FAM53B: variants seen among roughly 807,000 people sequenced by gnomAD.
The protein encoded by FAM53B is protein FAM53B.
FAM53B carries 12 observed loss-of-function variants against 32.7 expected under a neutral mutation model. The observed-to-expected ratio is 0.37, with a 90% CI of 0.24 to 0.59. FAM53B has a LOEUF of 0.59. FAM53B is among the 20% of genes least tolerant of loss of function. The pLI is 0.72. For synonymous variants in FAM53B, 234 were observed against 228.7 expected (o/e 1.02, Z -0.21); for missense variants, 477 against 577.7 (o/e 0.83, Z 1.79).
chr10:124,740,384 G>A (rs886188895), intron 1 of FAM53B, among the ~76,000 whole-genome samples: 1 of 152,178 alleles, frequency 6.6e-6, no homozygotes, highest in South Asian at 2.1e-4. Context: ...CCTAGGGAAC[G>A]GTAAATTGCT....
chr10:124,634,735 A>G (rs1949416230), intron 4 of FAM53B, among the ~76,000 whole-genome samples: 1 of 152,218 alleles, frequency 6.6e-6, no homozygotes, highest in Non-Finnish European at 1.5e-5. Flanking sequence ...ATGGAGACAG[A>G]ACACAGTTTT....
At chr10:124,734,396 C>T (rs1342075130) in intron 1 of FAM53B, among the ~76,000 whole-genome samples, 3 of 152,214 alleles carry the variant, frequency 2.0e-5, no homozygotes, top group Admixed American at 6.5e-5. Flanking sequence ...GTGCTCATCA[C>T]AGGAACAGTG....
At chr10:124,696,344 G>A (rs768243782) in intron 2 of FAM53B, 132 bp from the exon 3 acceptor site, 30 of 799,776 alleles carry the variant, frequency 3.8e-5, no homozygotes, top group Non-Finnish European at 5.4e-5. Flanking sequence ...GGGAAAGGAG[G>A]AAAAGGTATT....
In FAM53B at chr10:124,623,499, C is replaced by T. The variant is rs976202424; in HGVS notation, c.1012G>A (p.Ala338Thr). The T allele has an allele frequency of 6.9e-6, 11 of 1,589,072 alleles. No homozygotes were observed. Among genetic ancestry groups the T allele is most frequent in the Non-Finnish European group, 9.4e-6 (11 of 1,168,650 alleles). Reference sequence around the variant, plus strand: ...CCTGGGCCGGAGGCTGAGAGCAGGGCGGTCCAGGCCCTGGTGTTGCTGACG... The same window carrying T: ...CCTGGGCCGGAGGCTGAGAGCAGGGTGGTCCAGGCCCTGGTGTTGCTGACG... ...RHVSNTRAWT[A>T]LLSASGPGGR... The change falls in exon 5 of 5, where the codon GCC becomes ACC. Residue 338 changes from alanine to threonine, a missense_variant. Physicochemically the swap from Ala to Thr is moderately conservative, Grantham distance 58. Coordinates refer to ENST00000337318, the MANE Select transcript of FAM53B (RefSeq NM_014661.4).
At chr10:124,658,635 G>A (rs1208374978) in intron 4 of FAM53B, among the ~76,000 whole-genome samples, 2 of 152,226 alleles carry the variant, frequency 1.3e-5, no homozygotes, top group African/African-American at 4.8e-5. Flanking sequence ...AGAGAGGGAG[G>A]AAGGTGCACA....
intron 4 of FAM53B, among the ~76,000 whole-genome samples, chr10:124,636,435 G>A (rs577949325): frequency 1.2e-4 from 18 of 152,302 alleles, no homozygotes; most frequent in African/African-American, 3.6e-4. Flanking sequence ...ACCCCTGAAC[G>A]GCCAGTGAGC....
intron 1 of FAM53B, among the ~76,000 whole-genome samples, chr10:124,734,229 T>C (rs2134103584): frequency 6.6e-6 from 1 of 152,350 alleles, no homozygotes; most frequent in South Asian, 2.1e-4. Context: ...TGACTGTCCA[T>C]AATACGAGCT....
chr10:124,650,963 C>T (rs1188305461), intron 4 of FAM53B, among the ~76,000 whole-genome samples: 1 of 151,202 alleles, frequency 6.6e-6, no homozygotes, highest in Non-Finnish European at 1.5e-5. Context: ...CGAGGACTCA[C>T]GGGCGCTGAG....
At chr10:124,690,419 C>T (rs1320351353) in intron 3 of FAM53B, among the ~76,000 whole-genome samples, 6 of 152,222 alleles carry the variant, frequency 3.9e-5, no homozygotes, top group African/African-American at 9.7e-5. Context: ...CATGCTCTTG[C>T]AGTTGGGCCA....
intron 4 of FAM53B, among the ~76,000 whole-genome samples, chr10:124,638,915 T>C (rs1281551594): frequency 1.3e-5 from 2 of 152,114 alleles, no homozygotes; most frequent in Non-Finnish European, 2.9e-5. Flanking sequence ...AAGTGAGTGG[T>C]GGGGACAAAG....
intron 1 of FAM53B, among the ~76,000 whole-genome samples, chr10:124,743,733 C>G (rs1315789307): frequency 6.6e-6 from 1 of 150,494 alleles, no homozygotes; most frequent in Non-Finnish European, 1.5e-5. Flanking sequence ...CCGCCGCAGC[C>G]AGGCTTGTTC....
Position 124,733,858 on chromosome 10 carries a change from A to T in FAM53B, c.-175+10155T>A, listed in dbSNP as rs754442873. Among the ~76,000 whole-genome samples, 11 of 152,048 alleles carry T rather than the reference A, an allele frequency of 7.2e-5. No homozygotes were observed. The highest frequency in any genetic ancestry group is 1.3e-4 in the Admixed American group (2 of 15,262). ...CGCCCTTCCCTTTACTGCCATCCTG[A>T]CCTAGATCAGCTCCGCTCCCCTCTG... On this transcript the variant is annotated intron_variant, in intron 1 of 4. Transcript: ENST00000337318. This position sits in a 1 kb window ranked among gnomAD's most constrained non-coding sequence, Gnocchi z 4.3.
intron 1 of FAM53B, among the ~76,000 whole-genome samples, chr10:124,711,526 T>A (rs1950003479): frequency 1.3e-5 from 2 of 152,040 alleles, no homozygotes; most frequent in African/African-American, 4.8e-5. Flanking sequence ...TGAGTGTAAA[T>A]GATCTCAAAA....
chr10:124,740,175 T>C (rs1950192480), intron 1 of FAM53B, among the ~76,000 whole-genome samples: 1 of 152,152 alleles, frequency 6.6e-6, no homozygotes, highest in Non-Finnish European at 1.5e-5. Flanking sequence ...CAGAGAACTT[T>C]CTTAGATAAG....
At chr10:124,645,521 A>T (rs913148353) in intron 4 of FAM53B, among the ~76,000 whole-genome samples, 2 of 152,188 alleles carry the variant, frequency 1.3e-5, no homozygotes, top group Non-Finnish European at 2.9e-5. Context: ...GGTGAGGGTA[A>T]ATTGAGTAGG....
At chr10:124,718,034 C>T (rs193188246) in intron 1 of FAM53B, among the ~76,000 whole-genome samples, 1 of 152,082 alleles carries the variant, frequency 6.6e-6, no homozygotes, top group African/African-American at 2.4e-5. Flanking sequence ...CCCCCAAAGA[C>T]ACTGCACAGA....
At chr10:124,702,580 G>C (rs1044315594) in intron 2 of FAM53B, among the ~76,000 whole-genome samples, 1 of 152,192 alleles carries the variant, frequency 6.6e-6, no homozygotes. Context: ...GCAGACAAGG[G>C]CCTGGACTTG....
chr10:124,689,271 T>TG (rs1451103606), intron 3 of FAM53B, among the ~76,000 whole-genome samples: 3 of 151,512 alleles, frequency 2.0e-5, no homozygotes, highest in East Asian at 1.9e-4. Flanking sequence ...AACATGGGGG[T>TG]GGGGGGGACA....
chr10:124,685,231 GGTTA>G (rs993317892), intron 3 of FAM53B, among the ~76,000 whole-genome samples: 20 of 152,188 alleles, frequency 1.3e-4, no homozygotes, highest in African/African-American at 4.3e-4. Flanking sequence ...ACAGCTGGTT[GGTTA>G]ATTTATTTTT....
Sources: gnomAD v4.1 joint callset for allele counts (sites outside exome capture counted in the v4.1 genomes callset) on GRCh38, gnomAD v4.1.1 for gene constraint, Gnocchi (gnomAD v3.1) non-coding constraint, MANE v1.5 for transcripts, NCBI Gene and HGNC (gene_info 2026-07-23, HGNC 2026-07-21) for gene names.